The following CSMD1 variants were observed in gnomAD, a reference collection of about 807,000 sequenced individuals.
CSMD1 encodes CUB and Sushi multiple domains 1, also known as CUB and sushi domain-containing protein 1.
Under a neutral mutation model 417.5 loss-of-function variants are expected in CSMD1, and 213 were observed. That is an observed-to-expected ratio of 0.51 (90% CI 0.46 to 0.57). The LOEUF (loss-of-function observed/expected upper bound fraction) is 0.57. Ranked by LOEUF, CSMD1 falls within the 20% of genes least tolerant of loss-of-function variation. CSMD1 has a pLI of 0.00. For synonymous variants in CSMD1, 2,862 were observed against 1,736.8 expected (o/e 1.65, Z -16.11); for missense variants, 6,923 against 4,529.7 (o/e 1.53, Z -15.17).
intron 3 of CSMD1, among the ~76,000 whole-genome samples, chr8:4,151,241 A>G (rs979530664): frequency 6.6e-6 from 1 of 152,184 alleles, no homozygotes; most frequent in South Asian, 2.1e-4. Flanking sequence ...GGTGAAGTTT[A>G]CTTGGAAAGC....
chr8:4,720,576 C>T (rs1270379530), intron 1 of CSMD1, among the ~76,000 whole-genome samples: 2 of 152,054 alleles, frequency 1.3e-5, no homozygotes, highest in Non-Finnish European at 2.9e-5. Flanking sequence ...TGCCACCATG[C>T]CAGGCTAATT....
intron 5 of CSMD1, among the ~76,000 whole-genome samples, chr8:3,835,113 G>A: frequency 6.7e-6 from 1 of 148,518 alleles, no homozygotes; most frequent in Non-Finnish European, 1.5e-5. Flanking sequence ...CTTTTACACT[G>A]TTGGTGGGAC....
chr8:3,324,836 A>G (rs933013304), intron 23 of CSMD1, among the ~76,000 whole-genome samples: 2 of 152,216 alleles, frequency 1.3e-5, no homozygotes, highest in Non-Finnish European at 2.9e-5. Flanking sequence ...GTATCACTTC[A>G]GATCTTTGCA....
At chr8:3,821,752 A>T (rs1211367577) in intron 5 of CSMD1, among the ~76,000 whole-genome samples, 5 of 152,220 alleles carry the variant, frequency 3.3e-5, no homozygotes, top group Non-Finnish European at 5.9e-5. Flanking sequence ...ACTGCACTCC[A>T]GCCTGGGTGA....
chr8:3,269,200 G>C (rs946740007), intron 26 of CSMD1, among the ~76,000 whole-genome samples: 2 of 152,234 alleles, frequency 1.3e-5, no homozygotes, highest in Admixed American at 6.5e-5. Context: ...GGGACGGAAA[G>C]CTGAATGCAG....
At position 4,511,803 on chromosome 8, in the gene CSMD1, C is replaced by T. The variant is rs1162556722; in HGVS notation, c.303-91738G>A. 3.9e-5 allele frequency among the ~76,000 whole-genome samples: 6 copies of T among 152,242 alleles called. No homozygotes were observed. The South Asian group carries it at 1.2e-3, about 32-fold the overall frequency. ...CCAAGAGGACTCAATCATCAGGGGTCTACACATTATGAGTTTTACTTCCTG... is the reference window on the plus strand; with the variant it reads ...CCAAGAGGACTCAATCATCAGGGGTTTACACATTATGAGTTTTACTTCCTG... On this transcript the variant is annotated intron_variant, in intron 2 of 69. Coordinates refer to ENST00000635120, the MANE Select transcript of CSMD1 (RefSeq NM_033225.6).
chr8:4,129,361 C>T (rs1036555633), intron 3 of CSMD1, among the ~76,000 whole-genome samples: 1 of 152,048 alleles, frequency 6.6e-6, no homozygotes, highest in Non-Finnish European at 1.5e-5. Context: ...GAATGCATTC[C>T]CAGTTTCCTT....
intron 3 of CSMD1, among the ~76,000 whole-genome samples, chr8:4,389,855 CTT>C (rs1803724290): frequency 6.6e-6 from 1 of 152,112 alleles, no homozygotes; most frequent in African/African-American, 2.4e-5. Flanking sequence ...ATATTACAAA[CTT>C]TATATATCTC....
intron 25 of CSMD1, among the ~76,000 whole-genome samples, chr8:3,289,911 T>C (rs1803426038): frequency 6.8e-6 from 1 of 147,700 alleles, no homozygotes; most frequent in Admixed American, 6.7e-5. Flanking sequence ...CATGCCTGTG[T>C]CCTGAATGGT....
At chr8:3,260,875 A>G (rs1013108624) in intron 26 of CSMD1, among the ~76,000 whole-genome samples, 1 of 152,212 alleles carries the variant, frequency 6.6e-6, no homozygotes, top group Admixed American at 6.5e-5. Context: ...ACAGACTGGG[A>G]GAAAATGCTT....
intron 3 of CSMD1, among the ~76,000 whole-genome samples, chr8:4,381,694 TCAA>T (rs1226589204): frequency 2.6e-5 from 4 of 152,186 alleles, no homozygotes; most frequent in African/African-American, 9.7e-5. Context: ...AGCAGATGCG[TCAA>T]CATCTCCAAA....
chr8:3,491,769 C>A (rs1306252820), intron 11 of CSMD1, among the ~76,000 whole-genome samples: 1 of 152,176 alleles, frequency 6.6e-6, no homozygotes, highest in Non-Finnish European at 1.5e-5. Flanking sequence ...TTTTTACTAG[C>A]ATGGAAATAT....
intron 26 of CSMD1, among the ~76,000 whole-genome samples, chr8:3,271,174 C>A (rs181026593): frequency 2.7e-5 from 4 of 148,104 alleles, no homozygotes; most frequent in East Asian, 2.0e-4. Context: ...TGAGAATATG[C>A]GGTGTTTGGT....
intron 7 of CSMD1, among the ~76,000 whole-genome samples, chr8:3,656,144 T>G (rs775061713): frequency 5.3e-5 from 8 of 152,138 alleles, no homozygotes; most frequent in Non-Finnish European, 1.2e-4. Flanking sequence ...GGCGAAAGCC[T>G]CTTTAGGAAG....
rs546887775 is a variant in CSMD1 at position 4,593,781 on chromosome 8, C to T, written c.302+43561G>A. Among the ~76,000 whole-genome samples, 37 of 152,240 alleles carry T rather than the reference C, an allele frequency of 2.4e-4. No homozygotes were observed. In the South Asian group the frequency reaches 6.8e-3, roughly 28 times the overall value. On this transcript the variant is annotated intron_variant, in intron 2 of 69. Transcript: ENST00000635120. ...ATTTCCATTTTGCAAAAAAGGTTAG[C>T]ATGCTTAATAAAGTTAAAGAACTTT...
chr8:4,418,218 T>C (rs1294983297), intron 3 of CSMD1, among the ~76,000 whole-genome samples: 1 of 152,126 alleles, frequency 6.6e-6, no homozygotes, highest in Non-Finnish European at 1.5e-5. Context: ...CACAAAATCA[T>C]TTTCTACATA....
intron 50 of CSMD1, among the ~76,000 whole-genome samples, chr8:3,042,466 T>G (rs1474959025): frequency 6.6e-6 from 1 of 152,144 alleles, no homozygotes; most frequent in Non-Finnish European, 1.5e-5. Context: ...TGATGATGCA[T>G]TTAGATGAGG....
intron 7 of CSMD1, among the ~76,000 whole-genome samples, chr8:3,692,130 G>A (rs934314412): frequency 2.6e-5 from 4 of 152,120 alleles, no homozygotes; most frequent in Admixed American, 6.5e-5. Flanking sequence ...CACTGCATCC[G>A]GGTCTCCTAT....
At chr8:3,407,306 G>A (rs1313141749) in intron 14 of CSMD1, among the ~76,000 whole-genome samples, 1 of 151,968 alleles carries the variant, frequency 6.6e-6, no homozygotes, top group Non-Finnish European at 1.5e-5. Flanking sequence ...ATGATAGACG[G>A]AATAATGGAT....
Sources: gnomAD v4.1 joint callset for allele counts (sites outside exome capture counted in the v4.1 genomes callset) on GRCh38, gnomAD v4.1.1 for gene constraint, MANE v1.5 for transcripts, NCBI Gene and HGNC (gene_info 2026-07-23, HGNC 2026-07-21) for gene names.